Variants in SUMF1 observed in about 807,000 individuals in gnomAD.
SUMF1 encodes the protein formylglycine-generating enzyme.
In SUMF1, 48 loss-of-function variants were observed where a neutral mutation model predicts 47.6. That is an observed-to-expected ratio of 1.01 (90% CI 0.80 to 1.28). The LOEUF (loss-of-function observed/expected upper bound fraction) is 1.28. SUMF1 is among the 50% of genes most tolerant of loss of function. SUMF1 has a pLI of 0.00. For missense variants in SUMF1, 571 were observed against 485.4 expected (o/e 1.18, Z -1.66); for synonymous variants, 230 against 192.1 (o/e 1.20, Z -1.63).
rs1574952786 is a variant in SUMF1, at chr3:4,176,758, G to C, written c.1015-108013C>G. 1.3e-5 allele frequency among the ~76,000 whole-genome samples: 2 copies of C among 152,230 alleles called. 1 individual carries two copies. The highest frequency in any genetic ancestry group is 3.9e-4 in the East Asian group (2 of 5,166). ...CACAGACTGGCAAATTGGATAAAGA[G>C]TCAAGACCCATCAGAGTGCTGTATT... is the stretch of plus-strand genomic sequence containing the variant. On this transcript the variant is annotated intron_variant and NMD_transcript_variant, in intron 8 of 12. Transcript: ENST00000448413.
chr3:4,402,567 A>G (rs1250912750), intron 7 of SUMF1, among the ~76,000 whole-genome samples: 1 of 152,240 alleles, frequency 6.6e-6, no homozygotes, highest in East Asian at 1.9e-4. Flanking sequence ...CTCCAGTGCT[A>G]CAGGGCTTTG....
Position 4,249,091 on chromosome 3 carries a change from T to C in SUMF1, c.1014+127239A>G, listed in dbSNP as rs192544950. On this transcript the variant is annotated intron_variant and NMD_transcript_variant, in intron 8 of 12. Coordinates refer to the SUMF1 transcript ENST00000448413. The stretch of plus-strand genomic sequence containing the variant: ...TGAGGCACATGGGGTCACCTGCTCC[T>C]AACTCAGAAGGTATCTTCTTAATGC... Among the ~76,000 whole-genome samples the C allele has an allele frequency of 7.2e-5, 11 of 152,340 alleles. No individual in the cohort carries two copies. In the East Asian group the frequency reaches 2.1e-3, roughly 29 times the overall value.
intron 8 of SUMF1, among the ~76,000 whole-genome samples, chr3:4,221,689 T>C (rs367757311): frequency 5.5e-4 from 83 of 152,238 alleles, no homozygotes; most frequent in African/African-American, 1.9e-3. Context: ...ATCAGAATTC[T>C]CTAGTGAATG....
At chr3:4,320,332 T>G (rs1259696304) in intron 8 of SUMF1, among the ~76,000 whole-genome samples, 1 of 152,204 alleles carries the variant, frequency 6.6e-6, no homozygotes, top group Admixed American at 6.5e-5. Flanking sequence ...AAGCAGTTCC[T>G]AGTTGATACA....
chr3:4,246,050 G>A (rs1696660632), intron 8 of SUMF1, among the ~76,000 whole-genome samples: 1 of 152,198 alleles, frequency 6.6e-6, no homozygotes, highest in African/African-American at 2.4e-5. Context: ...CTCCGTGGGT[G>A]TGGGAACCGC....
intron 8 of SUMF1, among the ~76,000 whole-genome samples, chr3:4,120,249 A>G (rs967457539): frequency 1.3e-5 from 2 of 152,136 alleles, no homozygotes; most frequent in Non-Finnish European, 2.9e-5. Flanking sequence ...TCATATTCGT[A>G]TGCTCAGTGA....
In SUMF1 at chr3:4,361,788, T is replaced by C. The variant is rs1289908328; in HGVS notation, c.*356A>G. On this transcript the variant is annotated 3_prime_UTR_variant, in exon 9 of 9. Transcript: ENST00000272902. Reference sequence around the variant, plus strand: ...CCCTTCATTTGATAGGGGAGGGCACTTGAGGCCCAGGAAGGTCAAGCGTCG... The same window carrying C: ...CCCTTCATTTGATAGGGGAGGGCACCTGAGGCCCAGGAAGGTCAAGCGTCG... 1.3e-5 allele frequency: 4 copies of C among 303,292 alleles called. No homozygotes were observed. The highest frequency in any genetic ancestry group is 2.5e-5 in the Non-Finnish European group (4 of 157,106). The allele number at this position is 303,292 out of a possible 1,614,324, so 18.8% of individuals were successfully genotyped here.
chr3:4,417,546 G>A (rs889096440), intron 5 of SUMF1, among the ~76,000 whole-genome samples: 1 of 152,150 alleles, frequency 6.6e-6, no homozygotes, highest in Non-Finnish European at 1.5e-5. Context: ...GGACTTATAT[G>A]GTAGTGTGAT....
intron 6 of SUMF1, chr3:4,415,105 T>C (rs1209095096): frequency 6.6e-6 from 1 of 151,376 alleles, no homozygotes; most frequent in African/African-American, 2.4e-5. Flanking sequence ...TGCACAGCTA[T>C]AATCCTAGCT....
chr3:4,232,544 C>CT (rs1313412041), intron 8 of SUMF1, among the ~76,000 whole-genome samples: 1 of 151,818 alleles, frequency 6.6e-6, no homozygotes, highest in African/African-American at 2.4e-5. Context: ...AGAATGGTCC[C>CT]TCAAAGGAAA....
chr3:4,145,523 T>A (rs899058633), intron 8 of SUMF1, among the ~76,000 whole-genome samples: 1 of 152,172 alleles, frequency 6.6e-6, no homozygotes, highest in East Asian at 1.9e-4. Context: ...TTCTCCTACA[T>A]GACCTCCCTT....
chr3:4,131,215 T>G (rs747123078), intron 8 of SUMF1, among the ~76,000 whole-genome samples: 5 of 152,158 alleles, frequency 3.3e-5, no homozygotes, highest in Non-Finnish European at 5.9e-5. Flanking sequence ...CTTTCCATCA[T>G]CAAATGGAAG....
intron 3 of SUMF1, among the ~76,000 whole-genome samples, chr3:4,443,814 T>C (rs146263841): frequency 2.0e-5 from 3 of 151,266 alleles, no homozygotes; most frequent in East Asian, 1.9e-4. Flanking sequence ...AAAAAGAAAG[T>C]GATAAACACT....
chr3:4,075,072 T>G (rs1005676234), intron 8 of SUMF1, among the ~76,000 whole-genome samples: 1 of 152,140 alleles, frequency 6.6e-6, no homozygotes, highest in Non-Finnish European at 1.5e-5. Context: ...ATATCCCTGA[T>G]GAACATCAAT....
At chr3:4,350,154 C>T (rs1315330702) in intron 8 of SUMF1, among the ~76,000 whole-genome samples, 1 of 151,872 alleles carries the variant, frequency 6.6e-6, no homozygotes, top group African/African-American at 2.4e-5. Context: ...GCATGCACCA[C>T]CACGCCAGGC....
chr3:4,454,243 G>A (rs1703077093), intron 1 of SUMF1, among the ~76,000 whole-genome samples: 1 of 152,140 alleles, frequency 6.6e-6, no homozygotes, highest in Admixed American at 6.6e-5. Flanking sequence ...GACAGCAATT[G>A]GGGCTGCCTT....
In SUMF1 at chr3:4,410,893, T is replaced by C. The variant is rs1165338621; in HGVS notation, c.926A>G (p.His309Arg). 1 of 1,614,006 alleles carries C rather than the reference T, an allele frequency of 6.2e-7. No individual in the cohort carries two copies. Among genetic ancestry groups the C allele is most frequent in the Non-Finnish European group, 8.5e-7 (1 of 1,179,950 alleles). ...WEWTSDWWTVHHSVEETLNPK... is the reference protein window; with the variant it reads ...WEWTSDWWTVRHSVEETLNPK... ...GTTAAGCGTTTCTTCAACAGAATGA[T>C]GAACAGTCCACCAGTCTGAAGTCCA... The change falls in exon 7 of 9, where the codon CAT (histidine) becomes CGT (arginine). Residue 309 changes from histidine to arginine, a missense_variant. Coordinates refer to ENST00000272902, the MANE Select transcript of SUMF1 (RefSeq NM_182760.4).
chr3:4,066,492 G>A (rs541681610), intron 9 of SUMF1, among the ~76,000 whole-genome samples: 14 of 151,974 alleles, frequency 9.2e-5, no homozygotes, highest in East Asian at 1.9e-4. Flanking sequence ...TGTCTTATCC[G>A]ACAAACTTTC....
At chr3:4,058,738 A>G (rs1222123819) in intron 9 of SUMF1, among the ~76,000 whole-genome samples, 1 of 152,200 alleles carries the variant, frequency 6.6e-6, no homozygotes, top group African/African-American at 2.4e-5. Context: ...TGGTTCCTCA[A>G]AAGACATTCT....
Sources: allele counts gnomAD v4.1 joint callset (sites outside exome capture counted in the v4.1 genomes callset), GRCh38; gene constraint gnomAD v4.1.1; transcripts MANE v1.5; gene names NCBI Gene and HGNC (gene_info 2026-07-23, HGNC 2026-07-21).